The following TTC19 variants were observed in gnomAD, a reference collection of about 807,000 sequenced individuals.
TTC19 encodes the protein tetratricopeptide repeat domain 19.
Under a neutral mutation model 49.5 loss-of-function variants are expected in TTC19, and 38 were observed. That is an observed-to-expected ratio of 0.77 (90% CI 0.59 to 1.01). The LOEUF is 1.01. Among genes scored for constraint, TTC19 ranks in the 50% least tolerant of loss-of-function variants. The probability of loss-of-function intolerance (pLI) is 0.00; values close to 1 mark genes in which losing one functional copy is unlikely to be tolerated. For synonymous variants in TTC19, 204 were observed against 185.2 expected (o/e 1.10, Z -0.83); for missense variants, 475 against 477.7 (o/e 0.99, Z 0.05).
Position 15,999,975 on chromosome 17 carries a change from C to T in TTC19, c.127C>T (p.Pro43Ser). 4 of 1,290,274 alleles carry T rather than the reference C, an allele frequency of 3.1e-6. No individual in the cohort carries two copies. Among genetic ancestry groups the T allele is most frequent in the Non-Finnish European group, 3.9e-6 (4 of 1,022,138 alleles). 79.9% of individuals were successfully genotyped at this position (1,290,274 alleles called of 1,614,324 possible). The change falls in exon 1 of 10, where the codon CCG (proline) becomes TCG (serine). Residue 43 changes from proline to serine, a missense_variant. Transcript: ENST00000261647. ...AGGTCCGGGGCCCGAGGTGCAGGTG[C>T]CGCCATCCCGAGTCGCGCCGCACGG... is the stretch of plus-strand genomic sequence containing the variant. ...AGGPGPEVQV[P>S]PSRVAPHGRG... is the part of the protein sequence containing the mutation.
Position 16,000,029 on chromosome 17 carries a change from G to A in TTC19, c.181G>A (p.Ala61Thr). The A allele has an allele frequency of 8.0e-7, 1 of 1,244,896 alleles. No individual in the cohort carries two copies. Among genetic ancestry groups the A allele is most frequent in the East Asian group, 3.5e-5 (1 of 28,642 alleles). The allele number at this position is 1,244,896 out of a possible 1,614,324, so 77.1% of individuals were successfully genotyped here. A position where few individuals can be genotyped will look rare whatever the true frequency, so the allele number is the denominator to read the frequency against. ...GRGPGLLPLL[A>T]ALAWFSRPAA... ...GGGCCCAGGCCTGCTGCCGCTGCTG[G>A]CAGGTGAGGGGCGCGGGCCGGGCGG... The change falls in exon 1 of 10, where the codon GCA becomes ACA. Residue 61 changes from alanine (A) to threonine (T), a missense_variant. By Grantham distance (58) the Ala-to-Thr change is moderately conservative. Coordinates refer to ENST00000261647, the MANE Select transcript of TTC19 (RefSeq NM_017775.4).
chr17:16,028,818 CAAAAAAAAAAAAAAAAAAA>C lies in TTC19; in HGVS notation c.*1306_*1324del. On this transcript the variant is annotated 3_prime_UTR_variant, in exon 10 of 10. Transcript: ENST00000261647. Reference sequence around the variant, plus strand: ...GTATCCCAGTAATCTTTGCATTTCTCAAAAAAAAAAAAAAAAAAAAAAAAAAAACTTTCTGAAGAAAATA... The same window carrying C: ...GTATCCCAGTAATCTTTGCATTTCTCAAAAAAAAACTTTCTGAAGAAAATA... 1 of 98,102 alleles carries C rather than the reference CAAAAAAAAAAAAAAAAAAA, an allele frequency of 1.0e-5. No individual in the cohort carries two copies. Among genetic ancestry groups the C allele is most frequent in the Non-Finnish European group, 2.0e-5 (1 of 51,254 alleles). 6.1% of individuals were successfully genotyped at this position (98,102 alleles called of 1,614,324 possible). A position where few individuals can be genotyped will look rare whatever the true frequency, so the allele number is the denominator to read the frequency against.
At chr17:16,002,939 A>T in intron 4 of TTC19, 108 bp downstream of exon 4, 1 of 1,018,088 alleles carries the variant, frequency 9.8e-7, no homozygotes, top group Middle Eastern at 2.2e-4. Flanking sequence ...ACCCTAGAAT[A>T]TAGTGACTCA....
chr17:16,016,237 G>A (rs957540861), intron 7 of TTC19, among the ~76,000 whole-genome samples: 2 of 152,064 alleles, frequency 1.3e-5, no homozygotes, highest in African/African-American at 4.8e-5. Flanking sequence ...CAATTTTGGG[G>A]GGGATTTCTT....
At chr17:16,024,669 C>G (rs190985035) in intron 7 of TTC19, 38 of 315,756 alleles carry the variant, frequency 1.2e-4, no homozygotes, top group African/African-American at 8.1e-4. Flanking sequence ...TGTTCTCTGT[C>G]TTCTTCCTGC....
At chr17:16,016,154 T>C (rs1002674019) in intron 7 of TTC19, among the ~76,000 whole-genome samples, 3 of 152,234 alleles carry the variant, frequency 2.0e-5, no homozygotes, top group Non-Finnish European at 4.4e-5. Context: ...ATAATTGCCA[T>C]TTATAACTAT....
At chr17:16,015,823 A>G (rs962923944) in intron 7 of TTC19, among the ~76,000 whole-genome samples, 2 of 152,098 alleles carry the variant, frequency 1.3e-5, no homozygotes, top group Admixed American at 6.5e-5. Context: ...ATTATATAAG[A>G]GTTTGTGGAA....
In TTC19 at chr17:16,025,061, G is replaced by C. The variant is rs1339115032; in HGVS notation, c.721G>C (p.Asp241His). 1 of 1,613,970 alleles carries C rather than the reference G, an allele frequency of 6.2e-7. No homozygotes were observed. The highest frequency in any genetic ancestry group is 8.5e-7 in the Non-Finnish European group (1 of 1,179,862). The change falls in exon 8 of 10, where the codon GAC (aspartate) becomes CAC (histidine). Residue 241 changes from aspartate to histidine, a missense_variant. Coordinates refer to ENST00000261647, the MANE Select transcript of TTC19 (RefSeq NM_017775.4). The part of the protein sequence containing the change: ...NTHLLLGMCL[D>H]ACARYLLFSK... ...CCACCTCCTCTTGGGCATGTGCTTAGACGCCTGTGCTCGCTACCTTCTGTT... is the reference window on the plus strand; with the variant it reads ...CCACCTCCTCTTGGGCATGTGCTTACACGCCTGTGCTCGCTACCTTCTGTT...
intron 2 of TTC19, among the ~76,000 whole-genome samples, chr17:16,035,887 G>A (rs554702486): frequency 5.3e-5 from 8 of 152,124 alleles, no homozygotes; most frequent in African/African-American, 1.2e-4. Flanking sequence ...CTCCACTGAC[G>A]TCTTGATCCC....
chr17:16,023,618 C>T (rs557505314), intron 7 of TTC19: 3 of 152,170 alleles, frequency 2.0e-5, no homozygotes, highest in Non-Finnish European at 2.9e-5. Flanking sequence ...TTGATGAATC[C>T]GATTTTTCAG....
At chr17:16,041,959 A>AT (rs984056952) in intron 2 of TTC19, among the ~76,000 whole-genome samples, 6 of 151,578 alleles carry the variant, frequency 4.0e-5, no homozygotes, top group African/African-American at 1.5e-4. Flanking sequence ...GATGGTCTTG[A>AT]TCTCCTGACC....
Position 16,008,882 on chromosome 17 carries a change from CCTTTA to C in TTC19, c.676+2319_676+2323del, listed in dbSNP as rs534551432. On this transcript the variant is annotated intron_variant, in intron 7 of 9. Transcript: ENST00000261647. Reference sequence around the variant, plus strand: ...CCTTACTATTGCTCTACTCCTCTTTCCTTTACTTTTCTTCATCACACTTAAAAGTA... The same window carrying C: ...CCTTACTATTGCTCTACTCCTCTTTCCTTTTCTTCATCACACTTAAAAGTA... Among the ~76,000 whole-genome samples the C allele has an allele frequency of 1.3e-3, 192 of 152,268 alleles. 2 individuals are homozygous for C. In the Middle Eastern group the frequency reaches 0.024, roughly 19 times the overall value.
At chr17:16,009,980 A>G (rs1334598083) in intron 7 of TTC19, among the ~76,000 whole-genome samples, 3 of 151,978 alleles carry the variant, frequency 2.0e-5, no homozygotes, top group Non-Finnish European at 2.9e-5. Context: ...TAGGGAATTT[A>G]TATTTTATTT....
At chr17:16,004,115 G>C in intron 5 of TTC19, 86 bp from the exon 6 acceptor site, 3 of 1,351,200 alleles carry the variant, frequency 2.2e-6, no homozygotes. Flanking sequence ...TGGCTTTGAG[G>C]CCACCGTCAG....
downstream of TTC19, among the ~76,000 whole-genome samples, chr17:16,032,770 T>C (rs1219140831): frequency 1.3e-5 from 2 of 152,210 alleles, no homozygotes; most frequent in East Asian, 1.9e-4. Flanking sequence ...TAGTTAAGTC[T>C]ATATCAGATG....
intron 7 of TTC19, among the ~76,000 whole-genome samples, chr17:16,021,475 A>C (rs1270293835): frequency 6.6e-6 from 1 of 152,252 alleles, no homozygotes; most frequent in Non-Finnish European, 1.5e-5. Flanking sequence ...ACTACCCAGT[A>C]AGTTGGTGTG....
intron 2 of TTC19, chr17:16,040,000 G>A (rs1012805821): frequency 1.0e-5 from 4 of 390,230 alleles, no homozygotes; most frequent in Non-Finnish European, 1.9e-5. Context: ...ATATTGGTCA[G>A]GCTGATCTCG....
At chr17:16,026,868 C>G (rs1971579019) in intron 9 of TTC19, 166 bp downstream of exon 9, 5 of 759,906 alleles carry the variant, frequency 6.6e-6, no homozygotes, top group African/African-American at 1.7e-5. Flanking sequence ...GGTTGAAGTA[C>G]TATTGTGTTC....
chr17:16,012,156 A>C (rs760850516), intron 7 of TTC19, among the ~76,000 whole-genome samples: 6 of 150,984 alleles, frequency 4.0e-5, no homozygotes, highest in Non-Finnish European at 7.4e-5. Flanking sequence ...TTTTTTTTCT[A>C]ATAAAAAGGG....
Sources: allele counts gnomAD v4.1 joint callset (sites outside exome capture counted in the v4.1 genomes callset), GRCh38; gene constraint gnomAD v4.1.1; transcripts MANE v1.5; gene names NCBI Gene and HGNC (gene_info 2026-07-23, HGNC 2026-07-21).